RAB37: variants seen among roughly 807,000 people sequenced by gnomAD.
RAB37 encodes the protein RAB37, member RAS oncogene family.
In RAB37, 29 loss-of-function variants were observed where a neutral mutation model predicts 33.1. The ratio of observed to expected loss-of-function variants is 0.88; its 90% confidence interval spans 0.65 to 1.20. The LOEUF (loss-of-function observed/expected upper bound fraction) is 1.20. Among genes scored for constraint, RAB37 ranks in the 50% most tolerant of loss-of-function variants. The pLI, the probability that RAB37 is intolerant of heterozygous loss-of-function variation, is 0.00. For missense variants in RAB37, 299 were observed against 301.1 expected, an observed-to-expected ratio of 0.99 and a Z score of 0.05; for synonymous variants, 128 against 119.5, an observed-to-expected ratio of 1.07 and a Z score of -0.47.
intron 1 of RAB37, among the ~76,000 whole-genome samples, chr17:74,673,707 G>T (rs1321585901): frequency 6.6e-6 from 1 of 151,966 alleles, no homozygotes; most frequent in Non-Finnish European, 1.5e-5. Flanking sequence ...ATTCCAACAA[G>T]TTCCAACATA....
At chr17:74,736,774 G>C (rs918821997), upstream of RAB37, 76 of 1,535,510 alleles carry the variant, frequency 4.9e-5, no homozygotes, top group Non-Finnish European at 6.1e-5. Flanking sequence ...AGATGAGCTC[G>C]GGCCGGGTGA....
intron 1 of RAB37, among the ~76,000 whole-genome samples, chr17:74,737,687 C>A (rs1450275345): frequency 6.6e-6 from 1 of 152,184 alleles, no homozygotes; most frequent in African/African-American, 2.4e-5. Flanking sequence ...ACTCTCGGGG[C>A]TCAGGCTGGG....
Position 74,684,828 on chromosome 17 carries a change from G to A in RAB37, c.72+13170G>A, listed in dbSNP as rs1372434657. The stretch of plus-strand genomic sequence containing the variant: ...ATGAAATTGCCATGTAAAAATACAT[G>A]CATGTGTTTATTTATACATATGTGT... On this transcript the variant is annotated intron_variant, in intron 1 of 7. Transcript: ENST00000340415. 4.7e-5 allele frequency among the ~76,000 whole-genome samples: 7 copies of A among 150,536 alleles called. No homozygotes were observed. The Admixed American group carries it at 4.7e-4, about 10-fold the overall frequency.
chr17:74,737,316 C>A lies in RAB37; in HGVS notation c.44C>A (p.Ala15Asp), dbSNP rs1428125717. The A allele has an allele frequency of 6.3e-7, 1 of 1,577,180 alleles. No individual in the cohort carries two copies. Residue 15 changes from alanine (A) to aspartate (D), a missense_variant, in exon 1 of 9, where the codon GCC (alanine) becomes GAC (aspartate). Physicochemically the swap from Ala to Asp is moderately radical, Grantham distance 126 (BLOSUM62 -2). Coordinates refer to ENST00000392613, the MANE Select transcript of RAB37 (RefSeq NM_001006638.3). ...GCCGTTGCCACCCGGGATGGCGAGG[C>A]CCCCGAGCGCTCCCCGCCCTGCAGT... ...PGAVATRDGE[A>D]PERSPPCSPS...
rs1399227856 is a variant in RAB37 at position 74,743,275 on chromosome 17, C to G, written c.314-13C>G. On this transcript the variant is annotated splice_polypyrimidine_tract_variant and intron_variant, in intron 4 of 8. Transcript: ENST00000392613. ...TGCTGCCTAAGTCCCCTCTGTGATC[C>G]TCTCCCCTCCAGCCTTGCTTCTGCT... 6.2e-7 allele frequency: 1 copy of G among 1,614,130 alleles called. No individual in the cohort carries two copies.
At chr17:74,733,775 T>G (rs2034427205), upstream of RAB37, among the ~76,000 whole-genome samples, 1 of 151,950 alleles carries the variant, frequency 6.6e-6, no homozygotes, top group Non-Finnish European at 1.5e-5. Flanking sequence ...CTGTTCTGAA[T>G]GTCTTAGACC....
chr17:74,731,818 G>A, intron 2 of RAB37, among the ~76,000 whole-genome samples: 1 of 151,932 alleles, frequency 6.6e-6, no homozygotes, highest in East Asian at 1.9e-4. Context: ...GACCAGCCTG[G>A]CCAACATGGC....
intron 1 of RAB37, chr17:74,695,035 C>A (rs763815936): frequency 2.3e-5 from 36 of 1,541,270 alleles, no homozygotes; most frequent in Non-Finnish European, 3.0e-5. Context: ...AGGGGGCAGA[C>A]GGTCGATGAG....
chr17:74,708,884 C>G (rs2033743457), intron 1 of RAB37, among the ~76,000 whole-genome samples: 3 of 151,108 alleles, frequency 2.0e-5, no homozygotes, highest in African/African-American at 4.9e-5. Context: ...CCACTGCACT[C>G]CAGCCTGGGC....
chr17:74,695,846 A>T (rs766528360), intron 1 of RAB37: 1 of 1,613,806 alleles, frequency 6.2e-7, no homozygotes, highest in East Asian at 2.2e-5. Flanking sequence ...GTCGCCCTCC[A>T]GGGGCTGCAG....
intron 1 of RAB37, among the ~76,000 whole-genome samples, chr17:74,683,485 C>T (rs1184702101): frequency 6.6e-6 from 1 of 152,222 alleles, no homozygotes; most frequent in Non-Finnish European, 1.5e-5. Context: ...GGCAGAAAAG[C>T]ACCAAACAAG....
At chr17:74,735,315 G>A (rs534135468), upstream of RAB37, among the ~76,000 whole-genome samples, 2 of 152,284 alleles carry the variant, frequency 1.3e-5, no homozygotes, top group South Asian at 2.1e-4. Flanking sequence ...CAAGGCAGGC[G>A]TATCGCCTGA....
chr17:74,705,501 A>G (rs1229515574), intron 1 of RAB37: 5 of 473,742 alleles, frequency 1.1e-5, no homozygotes, highest in African/African-American at 1.9e-5. Context: ...CTTTCTGCCA[A>G]TCCTACATTC....
chr17:74,701,723 G>A (rs905753825), intron 1 of RAB37, among the ~76,000 whole-genome samples: 4 of 151,976 alleles, frequency 2.6e-5, no homozygotes, highest in South Asian at 2.1e-4. Context: ...GGTGGCTTAC[G>A]CCTGTAGTTG....
chr17:74,687,682 C>A (rs146813468), intron 1 of RAB37, among the ~76,000 whole-genome samples: 2 of 152,312 alleles, frequency 1.3e-5, no homozygotes, highest in Non-Finnish European at 2.9e-5. Context: ...AGCTCCACAG[C>A]TCTCATTAGT....
At chr17:74,712,726 A>G in intron 1 of RAB37, 1 of 1,282,044 alleles carries the variant, frequency 7.8e-7, no homozygotes, top group Non-Finnish European at 1.1e-6. Flanking sequence ...GGCTCATGCC[A>G]TTAAGGACAC....
chr17:74,694,142 C>T (rs1435976350), intron 1 of RAB37, among the ~76,000 whole-genome samples: 6 of 152,048 alleles, frequency 3.9e-5, no homozygotes, highest in Admixed American at 6.6e-5. Context: ...AGTCACTGAA[C>T]CTCTCCATCC....
chr17:74,677,145 GT>G (rs1441762733), intron 1 of RAB37, among the ~76,000 whole-genome samples: 2 of 151,786 alleles, frequency 1.3e-5, no homozygotes, highest in African/African-American at 4.8e-5. Flanking sequence ...GTGAGACTCT[GT>G]CCCCCCACAA....
chr17:74,679,868 C>T (rs1002631180), intron 1 of RAB37, among the ~76,000 whole-genome samples: 2 of 151,370 alleles, frequency 1.3e-5, no homozygotes, highest in South Asian at 4.2e-4. Flanking sequence ...ATCCCAGCTA[C>T]TCAGGAGGCT....
Sources: allele counts gnomAD v4.1 joint callset (sites outside exome capture counted in the v4.1 genomes callset), GRCh38; gene constraint gnomAD v4.1.1; transcripts MANE v1.5; gene names NCBI Gene and HGNC (gene_info 2026-07-23, HGNC 2026-07-21).